RBM17: variants seen among roughly 807,000 people sequenced by gnomAD.
RBM17 encodes the protein splicing factor 45.
Under a neutral mutation model 53.2 loss-of-function variants are expected in RBM17, and 7 were observed. That is an observed-to-expected ratio of 0.13 (90% CI 0.07 to 0.25). The LOEUF (loss-of-function observed/expected upper bound fraction) is 0.25, where lower values mean the gene tolerates loss of function less well. Ranked by LOEUF, RBM17 falls within the 10% of genes least tolerant of loss-of-function variation. The pLI, the probability that RBM17 is intolerant of heterozygous loss-of-function variation, is 1.00. For synonymous variants in RBM17, 167 were observed against 178.1 expected (o/e 0.94, Z 0.50); for missense variants, 257 against 496.7 (o/e 0.52, Z 4.59).
At chr10:6,090,253 CAAAT>C (rs1306082921) in intron 1 of RBM17, among the ~76,000 whole-genome samples, 2 of 152,136 alleles carry the variant, frequency 1.3e-5, no homozygotes, top group Non-Finnish European at 2.9e-5. Context: ...CGCATATACT[CAAAT>C]AGATGGGTAG....
intron 3 of RBM17, among the ~76,000 whole-genome samples, chr10:6,102,531 TA>T (rs1178342873): frequency 3.3e-5 from 5 of 152,210 alleles, no homozygotes; most frequent in Non-Finnish European, 5.9e-5. Context: ...TTTTCCCCCA[TA>T]AATTTGATAC....
chr10:6,098,565 T>TG (rs1564566243), intron 2 of RBM17, among the ~76,000 whole-genome samples: 3 of 10,048 alleles, frequency 3.0e-4, no homozygotes, highest in Non-Finnish European at 3.9e-4. Flanking sequence ...GGTTTTTTGT[T>TG]TTTTTTTTTT....
intron 1 of RBM17, among the ~76,000 whole-genome samples, chr10:6,094,527 C>G (rs10905750): frequency 6.6e-6 from 1 of 152,188 alleles, no homozygotes; most frequent in South Asian, 2.1e-4. Flanking sequence ...ACCTGTAGTT[C>G]AGTAGGCTTT....
chr10:6,108,716 C>A lies in RBM17; in HGVS notation c.536C>A (p.Thr179Asn), dbSNP rs1193303686. ...GGCGGAGCTGCCATTGCCCCACCCACTTCTCTGGTAGAGAAAGACAAAGAG... is the reference window on the plus strand; with the variant it reads ...GGCGGAGCTGCCATTGCCCCACCCAATTCTCTGGTAGAGAAAGACAAAGAG... ...SMGGAAIAPP[T>N]SLVEKDKELP... Residue 179 changes from threonine to asparagine, a missense_variant, in exon 6 of 12, where the codon ACT becomes AAT. Around this residue, in one of 6 missense-constraint regions of RBM17, gnomAD observed 68 missense variants for 60.0 expected, o/e 1.13. Transcript: ENST00000379888. 2 of 1,612,678 alleles carry A rather than the reference C, an allele frequency of 1.2e-6. No individual in the cohort carries two copies. Among genetic ancestry groups the A allele is most frequent in the Non-Finnish European group, 1.7e-6 (2 of 1,179,634 alleles).
chr10:6,090,253 C>CAA (rs1286021593), intron 1 of RBM17, among the ~76,000 whole-genome samples: 6 of 152,136 alleles, frequency 3.9e-5, no homozygotes, highest in Admixed American at 3.9e-4. Flanking sequence ...CGCATATACT[C>CAA]AAATAGATGG....
At chr10:6,104,656 G>A (rs1840720312) in intron 3 of RBM17, among the ~76,000 whole-genome samples, 4 of 152,142 alleles carry the variant, frequency 2.6e-5, no homozygotes, top group Admixed American at 2.6e-4. Flanking sequence ...TTATATTTTA[G>A]CTGGTGGTGG....
chr10:6,089,069 C>G lies in RBM17; in HGVS notation c.-143C>G, dbSNP rs1262889802. 1 of 152,480 alleles carries G rather than the reference C, an allele frequency of 6.6e-6. No individual in the cohort carries two copies. The highest frequency in any genetic ancestry group is 2.4e-5 in the African/African-American group (1 of 41,296). The allele number at this position is 152,480 out of a possible 1,614,324, so 9.4% of individuals were successfully genotyped here. A position where few individuals can be genotyped will look rare whatever the true frequency, so the allele number is the denominator to read the frequency against. ...CCCTGACCCCGCGCCGCCGAGCGCC[C>G]TGAGGACTCAGCGAAGGGTGGGCGC... On this transcript the variant is annotated 5_prime_UTR_variant, in exon 1 of 12. Coordinates refer to ENST00000379888, the MANE Select transcript of RBM17 (RefSeq NM_032905.5). The surrounding 1 kb of genome is among the most constrained non-coding windows in gnomAD (Gnocchi z 5.6).
chr10:6,106,411 T>C (rs41295155), intron 5 of RBM17, 173 bp downstream of exon 5: 18,494 of 541,998 alleles, frequency 0.034, 635 homozygotes, highest in South Asian at 0.12. Context: ...TATATTGGGT[T>C]TTCATATGTA....
At chr10:6,092,511 G>A (rs1288506307) in intron 1 of RBM17, among the ~76,000 whole-genome samples, 2 of 152,214 alleles carry the variant, frequency 1.3e-5, no homozygotes, top group African/African-American at 4.8e-5. Context: ...GGATTCCGGG[G>A]AAATTACATG....
At chr10:6,105,767 A>G (rs1315304863) in intron 4 of RBM17, among the ~76,000 whole-genome samples, 1 of 152,206 alleles carries the variant, frequency 6.6e-6, no homozygotes, top group Non-Finnish European at 1.5e-5. Context: ...CATGTATTAA[A>G]TATTAATATA....
chr10:6,089,119 G>C lies in RBM17; in HGVS notation c.-93G>C, dbSNP rs112177726. On this transcript the variant is annotated 5_prime_UTR_variant, in exon 1 of 12. Transcript: ENST00000379888. This position sits in a 1 kb window ranked among gnomAD's most constrained non-coding sequence, Gnocchi z 5.6. Reference sequence around the variant, plus strand: ...CCGCCGAGGCCTCCTGCCGCTGGCGGGTTTCCGCGGAGTGCCGCCCGGCTC... The same window carrying C: ...CCGCCGAGGCCTCCTGCCGCTGGCGCGTTTCCGCGGAGTGCCGCCCGGCTC... 4.5e-3 allele frequency: 718 copies of C among 160,612 alleles called. 7 individuals are homozygous for C. Among genetic ancestry groups the C allele is most frequent in the African/African-American group, 0.016 (653 of 41,552 alleles). The allele number at this position is 160,612 out of a possible 1,614,324, so 9.9% of individuals were successfully genotyped here.
chr10:6,115,222 C>T lies in RBM17; in HGVS notation c.1030-17C>T. 1.2e-6 allele frequency: 2 copies of T among 1,605,308 alleles called. No individual in the cohort carries two copies. The highest frequency in any genetic ancestry group is 1.3e-5 in the African/African-American group (1 of 74,620). On this transcript the variant is annotated splice_polypyrimidine_tract_variant and intron_variant, in intron 10 of 11. Transcript: ENST00000379888. ...ATCTCAAATGCCTTTACTCATCACG[C>T]TCTCATTTTCTTCCAGATTCCTGGT... is the stretch of plus-strand genomic sequence containing the variant.
At chr10:6,100,917 A>G (rs1206500500) in intron 2 of RBM17, among the ~76,000 whole-genome samples, 1 of 152,238 alleles carries the variant, frequency 6.6e-6, no homozygotes, top group Non-Finnish European at 1.5e-5. Flanking sequence ...AATTGAATGT[A>G]TAGAAATGAT....
rs1554834988 is a variant in RBM17, at chr10:6,098,563, G to GTGTTTT, written c.123+1376_123+1377insGTTTTT. ...AATTTCCGTAATACACAGGTTTTTTGTTTTTTTTTTTTTTTTTTTTTTTTT... is the reference window on the plus strand; with the variant it reads ...AATTTCCGTAATACACAGGTTTTTTGTGTTTTTTTTTTTTTTTTTTTTTTTTTTTTT... On this transcript the variant is annotated intron_variant, in intron 2 of 11. Coordinates refer to ENST00000379888, the MANE Select transcript of RBM17 (RefSeq NM_032905.5). 2.2e-3 allele frequency among the ~76,000 whole-genome samples: 101 copies of GTGTTTT among 46,672 alleles called. 2 individuals are homozygous for GTGTTTT. The highest frequency in any genetic ancestry group is 2.9e-3 in the Non-Finnish European group (65 of 22,542). The allele number at this position is 46,672 out of a possible 152,430, so 30.6% of individuals were successfully genotyped here.
At position 6,115,326 on chromosome 10, in the gene RBM17, T is replaced by C. The variant is rs1489194276; in HGVS notation, c.1102+15T>C. On this transcript the variant is annotated intron_variant, in intron 11 of 11. Transcript: ENST00000379888. ...AGCAATTAAAGGTTAGTGGTACAGC[T>C]AAATATTAAAGAATAAAAAAGTTGA... is the stretch of plus-strand genomic sequence containing the variant. The C allele has an allele frequency of 6.3e-7, 1 of 1,597,300 alleles. No individual in the cohort carries two copies. The highest frequency in any genetic ancestry group is 1.3e-5 in the African/African-American group (1 of 74,540).
chr10:6,105,666 A>G (rs916978978), intron 4 of RBM17, among the ~76,000 whole-genome samples: 3 of 152,238 alleles, frequency 2.0e-5, no homozygotes, highest in Non-Finnish European at 4.4e-5. Context: ...AAAAATTCAT[A>G]TGCAGCTTTT....
chr10:6,115,650 T>A lies in RBM17; in HGVS notation c.*94T>A. 2 of 767,038 alleles carry A rather than the reference T, an allele frequency of 2.6e-6. No individual in the cohort carries two copies. Among genetic ancestry groups the A allele is most frequent in the East Asian group, 4.9e-5 (2 of 40,986 alleles). 47.5% of individuals were successfully genotyped at this position (767,038 alleles called of 1,614,324 possible). A position where few individuals can be genotyped will look rare whatever the true frequency, so the allele number is the denominator to read the frequency against. Reference sequence around the variant, plus strand: ...AAAAGGTCACAGCCTCCATGGCTGTTGCATACCAAGACTCTTGGAAGGACT... The same window carrying A: ...AAAAGGTCACAGCCTCCATGGCTGTAGCATACCAAGACTCTTGGAAGGACT... On this transcript the variant is annotated 3_prime_UTR_variant, in exon 12 of 12. Transcript: ENST00000379888.
chr10:6,109,388 T>C (rs780686314), intron 6 of RBM17, among the ~76,000 whole-genome samples: 33 of 152,256 alleles, frequency 2.2e-4, no homozygotes, highest in Admixed American at 5.9e-4. Flanking sequence ...GAAGATAATT[T>C]CTAAGATATT....
intron 4 of RBM17, among the ~76,000 whole-genome samples, chr10:6,105,909 G>A (rs547984609): frequency 2.0e-5 from 3 of 151,780 alleles, no homozygotes; most frequent in Non-Finnish European, 4.4e-5. Context: ...TTTCATGCTG[G>A]TTGCTCTCGT....
Sources: gnomAD v4.1 joint callset for allele counts (sites outside exome capture counted in the v4.1 genomes callset) on GRCh38, gnomAD v4.1.1 for gene constraint, gnomAD v4.1.1 regional missense constraint, Gnocchi (gnomAD v3.1) non-coding constraint, MANE v1.5 for transcripts, NCBI Gene and HGNC (gene_info 2026-07-23, HGNC 2026-07-21) for gene names.